Variants in SMARCAL1 observed in about 807,000 individuals in gnomAD.
SMARCAL1 encodes ATP-driven annealing helicase.
A neutral mutation model predicts 94.5 loss-of-function variants in SMARCAL1; 58 were observed. That is an observed-to-expected ratio of 0.61 (90% CI 0.50 to 0.76). SMARCAL1 has a LOEUF of 0.76. Ranked by LOEUF, SMARCAL1 falls within the 30% of genes least tolerant of loss-of-function variation. The pLI, the probability that SMARCAL1 is intolerant of heterozygous loss-of-function variation, is 0.00. For missense variants in SMARCAL1, 1,051 were observed against 1,177.9 expected, an observed-to-expected ratio of 0.89 and a Z score of 1.58; for synonymous variants, 422 against 455.1, an observed-to-expected ratio of 0.93 and a Z score of 0.93.
At chr2:216,433,672 C>T (rs1016948253) in intron 8 of SMARCAL1, among the ~76,000 whole-genome samples, 1 of 152,142 alleles carries the variant, frequency 6.6e-6, no homozygotes, top group Admixed American at 6.5e-5. Context: ...GTATCACTCA[C>T]CCTTGAGCTT....
intron 14 of SMARCAL1, among the ~76,000 whole-genome samples, chr2:216,474,378 G>T (rs1421386029): frequency 3.4e-5 from 5 of 146,006 alleles, no homozygotes; most frequent in Non-Finnish European, 7.5e-5. Context: ...GACCTCAGGT[G>T]ATCTACCTGC....
chr2:216,429,528 T>C (rs1305392984), intron 7 of SMARCAL1, among the ~76,000 whole-genome samples: 1 of 152,246 alleles, frequency 6.6e-6, no homozygotes, highest in Non-Finnish European at 1.5e-5. Flanking sequence ...ACTAGCCTTC[T>C]CTTAAAAATA....
In SMARCAL1 at chr2:216,419,641, C is replaced by T. The variant is rs142250992; in HGVS notation, c.863-658C>T. ...GGTGTGCTGACTTCAGTGGCTTCTC[C>T]GACACCGTGCCAGAAATTATCTAAT... On this transcript the variant is annotated intron_variant, in intron 4 of 17. Coordinates refer to ENST00000357276, the MANE Select transcript of SMARCAL1 (RefSeq NM_014140.4). Among the ~76,000 whole-genome samples, 61 of 152,226 alleles carry T rather than the reference C, an allele frequency of 4.0e-4. No individual in the cohort carries two copies. In the East Asian group the frequency reaches 8.3e-3, roughly 21 times the overall value.
intron 12 of SMARCAL1, among the ~76,000 whole-genome samples, chr2:216,461,055 G>GGTGTGTGTGTGTGTGTGTGTGTGT (rs71054476): frequency 2.1e-5 from 3 of 146,244 alleles, no homozygotes; most frequent in Admixed American, 6.9e-5. Flanking sequence ...ACTAGAAAGA[G>GGTGTGTGTGTGTGTGTGTGTGTGT]GTGTGTGTGT....
At chr2:216,417,471 G>A (rs192579967) in intron 4 of SMARCAL1, among the ~76,000 whole-genome samples, 125 of 152,258 alleles carry the variant, frequency 8.2e-4, no homozygotes, top group African/African-American at 2.9e-3. Flanking sequence ...TCCTTGTTTG[G>A]ATTTTCCTTT....
intron 7 of SMARCAL1, 58 bp downstream of exon 7, chr2:216,428,840 A>G: frequency 6.9e-7 from 1 of 1,455,930 alleles, no homozygotes; most frequent in Non-Finnish European, 9.6e-7. Context: ...TACTCACCAC[A>G]GACTGCATTC....
intron 12 of SMARCAL1, among the ~76,000 whole-genome samples, chr2:216,460,602 T>A (rs1694675006): frequency 7.8e-6 from 1 of 127,450 alleles, no homozygotes; most frequent in Non-Finnish European, 1.7e-5. Flanking sequence ...AACCAAACAC[T>A]GCATGTTCTC....
At chr2:216,472,496 G>T (rs1292648850) in intron 14 of SMARCAL1, among the ~76,000 whole-genome samples, 2 of 152,030 alleles carry the variant, frequency 1.3e-5, no homozygotes, top group Non-Finnish European at 2.9e-5. Flanking sequence ...TGCAATGAGT[G>T]TGTATTATTT....
At chr2:216,473,412 C>T (rs1695007724) in intron 14 of SMARCAL1, among the ~76,000 whole-genome samples, 1 of 148,746 alleles carries the variant, frequency 6.7e-6, no homozygotes, top group South Asian at 2.1e-4. Context: ...CAGATGTTCA[C>T]TCCCTTTTAG....
At chr2:216,470,572 A>C (rs284527) in intron 14 of SMARCAL1, among the ~76,000 whole-genome samples, 108,046 of 150,968 alleles carry the variant, frequency 0.72, 39,109 homozygotes, top group African/African-American at 0.83. Context: ...ACTGAAGCCT[A>C]AACCTCCTAG....
intron 12 of SMARCAL1, chr2:216,451,400 T>C (rs998178433): frequency 1.4e-5 from 5 of 350,816 alleles, no homozygotes; most frequent in African/African-American, 1.1e-4. Context: ...TGCATCAGTC[T>C]AGTAACAGTT....
At chr2:216,416,618 C>T (rs752553932) in intron 4 of SMARCAL1, among the ~76,000 whole-genome samples, 1 of 152,194 alleles carries the variant, frequency 6.6e-6, no homozygotes, top group Non-Finnish European at 1.5e-5. Flanking sequence ...GGCCCAGGGA[C>T]GATGAGTCAG....
rs1694062088 is a variant in SMARCAL1, at chr2:216,435,505, C to G, written c.1644+9C>G. 1.2e-6 allele frequency: 2 copies of G among 1,613,042 alleles called. No individual in the cohort carries two copies. Among genetic ancestry groups the G allele is most frequent in the Admixed American group, 1.7e-5 (1 of 60,008 alleles). On this transcript the variant is annotated intron_variant, in intron 9 of 17. Coordinates refer to ENST00000357276, the MANE Select transcript of SMARCAL1 (RefSeq NM_014140.4). ...TTAAAGTTGTCATCATTGTAAGAAA[C>G]TTGGCAAAGTCTTTAAGTACTTTAT...
At chr2:216,445,714 G>C (rs1461093450) in intron 10 of SMARCAL1, among the ~76,000 whole-genome samples, 1 of 152,190 alleles carries the variant, frequency 6.6e-6, no homozygotes, top group African/African-American at 2.4e-5. Flanking sequence ...CAGGAAGTTA[G>C]AAGGCCTAGG....
intron 13 of SMARCAL1, among the ~76,000 whole-genome samples, chr2:216,464,982 C>CA (rs1028856730): frequency 6.6e-5 from 10 of 151,964 alleles, no homozygotes; most frequent in African/African-American, 2.4e-4. Context: ...CCCATTTATA[C>CA]AAAAAATGAA....
At chr2:216,443,433 A>G (rs535507416) in intron 10 of SMARCAL1, among the ~76,000 whole-genome samples, 4 of 150,368 alleles carry the variant, frequency 2.7e-5, no homozygotes, top group African/African-American at 7.3e-5. Flanking sequence ...ACCATTTGAT[A>G]TATTCTCATT....
At chr2:216,464,542 C>T in intron 12 of SMARCAL1, 55 bp from the exon 13 acceptor site, 1 of 1,264,044 alleles carries the variant, frequency 7.9e-7, no homozygotes, top group Non-Finnish European at 1.2e-6. Flanking sequence ...TAGATCCACT[C>T]ATCCCAGAGT....
chr2:216,461,274 T>TA (rs768370857), intron 12 of SMARCAL1, among the ~76,000 whole-genome samples: 12 of 150,760 alleles, frequency 8.0e-5, no homozygotes, highest in South Asian at 6.3e-4. Context: ...TTAACCAATT[T>TA]AAAAAAAAAG....
intron 10 of SMARCAL1, among the ~76,000 whole-genome samples, chr2:216,444,228 A>G (rs1559129826): frequency 6.6e-6 from 1 of 152,204 alleles, no homozygotes; most frequent in Admixed American, 6.5e-5. Flanking sequence ...TAAATTGAAT[A>G]TATGGTATTG....
Sources: allele counts gnomAD v4.1 joint callset (sites outside exome capture counted in the v4.1 genomes callset), GRCh38; gene constraint gnomAD v4.1.1; transcripts MANE v1.5; gene names NCBI Gene and HGNC (gene_info 2026-07-23, HGNC 2026-07-21).